The following AGBL4 variants were observed in gnomAD, a reference collection of about 807,000 sequenced individuals.
AGBL4 encodes the protein cytosolic carboxypeptidase 6.
In AGBL4, 58 loss-of-function variants were observed where a neutral mutation model predicts 66.4. The observed-to-expected ratio is 0.87, with a 90% CI of 0.71 to 1.09. AGBL4 has a LOEUF of 1.09. Ranked by LOEUF, AGBL4 falls within the 50% of genes least tolerant of loss-of-function variation. The probability of loss-of-function intolerance (pLI) is 0.00; values close to 1 mark genes in which losing one functional copy is unlikely to be tolerated. For missense variants in AGBL4, 579 were observed against 631.0 expected (o/e 0.92, Z 0.88); for synonymous variants, 234 against 222.9 (o/e 1.05, Z -0.44).
intron 6 of AGBL4, among the ~76,000 whole-genome samples, chr1:48,846,397 G>GAAAGAA (rs1387037101): frequency 6.6e-6 from 1 of 150,566 alleles, no homozygotes; most frequent in Admixed American, 6.7e-5. Context: ...AAGAAAGAAA[G>GAAAGAA]AAAGAAAGAA....
chr1:49,058,271 T>C (rs1405341778), intron 4 of AGBL4, among the ~76,000 whole-genome samples: 1 of 152,144 alleles, frequency 6.6e-6, no homozygotes, highest in African/African-American at 2.4e-5. Context: ...AATCGCCACA[T>C]GTCATGGGAG....
At chr1:49,709,826 A>C (rs1558182326) in intron 2 of AGBL4, among the ~76,000 whole-genome samples, 2 of 152,346 alleles carry the variant, frequency 1.3e-5, no homozygotes, top group South Asian at 4.1e-4. Context: ...TATGCAGCAA[A>C]CAAACATATG....
At chr1:48,604,917 T>C (rs564646697) in intron 9 of AGBL4, among the ~76,000 whole-genome samples, 34 of 152,384 alleles carry the variant, frequency 2.2e-4, no homozygotes, top group Admixed American at 2.0e-3. Context: ...CATCCATATC[T>C]ACATAAAAAC....
At chr1:49,802,432 G>T (rs1311218627) in intron 2 of AGBL4, among the ~76,000 whole-genome samples, 1 of 152,118 alleles carries the variant, frequency 6.6e-6, no homozygotes, top group Non-Finnish European at 1.5e-5. Flanking sequence ...ACCAGCTTTT[G>T]CTGCAACTGT....
chr1:49,845,839 A>C, intron 2 of AGBL4: 1 of 1,484,280 alleles, frequency 6.7e-7, no homozygotes, highest in Non-Finnish European at 9.4e-7. Flanking sequence ...GTTCGACTGC[A>C]GTCAGTGTGG....
chr1:48,565,715 T>C (rs1644466100), intron 11 of AGBL4, among the ~76,000 whole-genome samples: 1 of 152,202 alleles, frequency 6.6e-6, no homozygotes, highest in South Asian at 2.1e-4. Flanking sequence ...AAAGTTATTT[T>C]ACTCTCTGGA....
chr1:48,594,640 A>C (rs1163419369), intron 9 of AGBL4, among the ~76,000 whole-genome samples: 1 of 151,794 alleles, frequency 6.6e-6, no homozygotes, highest in African/African-American at 2.4e-5. Context: ...TGTTGCTTCC[A>C]TTTTATTATT....
rs1279282057 is a variant in AGBL4 at position 49,219,216 on chromosome 1, A to G, written c.377+26554T>C. On this transcript the variant is annotated intron_variant, in intron 4 of 13. Transcript: ENST00000371839. The stretch of plus-strand genomic sequence containing the variant: ...ATTGTCACCCATCATGGGACAACAC[A>G]TTCTTCTTTAAATATGTCAGTTTAC... 2.0e-5 allele frequency among the ~76,000 whole-genome samples: 3 copies of G among 152,264 alleles called. No homozygotes were observed. The East Asian group carries it at 5.8e-4, about 29-fold the overall frequency.
intron 3 of AGBL4, among the ~76,000 whole-genome samples, chr1:49,621,151 T>G (rs1645353019): frequency 6.6e-6 from 1 of 152,186 alleles, no homozygotes; most frequent in South Asian, 2.1e-4. Flanking sequence ...CTTTGTGCCG[T>G]AAAGAAATAG....
intron 7 of AGBL4, among the ~76,000 whole-genome samples, chr1:48,653,925 C>T (rs1645978108): frequency 2.0e-5 from 3 of 152,208 alleles, no homozygotes; most frequent in Non-Finnish European, 2.9e-5. Flanking sequence ...CTGATAGGCA[C>T]ACCAAGAAGC....
intron 5 of AGBL4, among the ~76,000 whole-genome samples, chr1:48,949,265 T>C (rs529171811): frequency 6.6e-6 from 1 of 152,274 alleles, no homozygotes; most frequent in South Asian, 2.1e-4. Context: ...TGGGCACAAT[T>C]CTGACTCCTG....
Position 49,623,122 on chromosome 1 carries a change from C to G in AGBL4, c.282+74191G>C, listed in dbSNP as rs79971696. On this transcript the variant is annotated intron_variant, in intron 3 of 13. Transcript: ENST00000371839. ...CCATACAGGGAAAGAGAAATAGATG[C>G]AACATATACTTGTCAGCTCTTCCTT... Among the ~76,000 whole-genome samples the G allele has an allele frequency of 4.6e-5, 7 of 152,224 alleles. 1 individual carries two copies. The East Asian group carries it at 1.4e-3, about 29-fold the overall frequency.
At chr1:49,878,033 C>A (rs1362037115) in intron 1 of AGBL4, among the ~76,000 whole-genome samples, 8 of 151,606 alleles carry the variant, frequency 5.3e-5, no homozygotes, top group South Asian at 4.2e-4. Context: ...TATTGTGTCT[C>A]TTTGATTCTT....
chr1:48,902,554 AG>A (rs1652189663), intron 5 of AGBL4, among the ~76,000 whole-genome samples: 1 of 152,168 alleles, frequency 6.6e-6, no homozygotes, highest in Non-Finnish European at 1.5e-5. Flanking sequence ...TGAGGGCTAA[AG>A]GATGAAATCT....
intron 2 of AGBL4, among the ~76,000 whole-genome samples, chr1:49,720,149 T>A (rs1485753981): frequency 6.6e-6 from 1 of 152,066 alleles, no homozygotes; most frequent in Non-Finnish European, 1.5e-5. Context: ...AACAGCATTA[T>A]AGGTTGAGCA....
At chr1:48,851,921 C>A (rs7530252) in intron 6 of AGBL4, among the ~76,000 whole-genome samples, 125,862 of 148,000 alleles carry the variant, frequency 0.85, 54,773 homozygotes, top group Non-Finnish European at 0.96. Context: ...AAATAAAAAA[C>A]AAAAAAAGAG....
At chr1:48,525,749 C>T in the AGBL4 span, among the ~76,000 whole-genome samples, 6 of 152,122 alleles carry the variant, frequency 3.9e-5, no homozygotes, top group East Asian at 1.9e-4. Context: ...AGTTTCCTAA[C>T]GGCTACATCT....
At chr1:49,172,674 G>A (rs1299647325) in intron 4 of AGBL4, among the ~76,000 whole-genome samples, 1 of 151,912 alleles carries the variant, frequency 6.6e-6, no homozygotes, top group African/African-American at 2.4e-5. Flanking sequence ...TGAAGCACAG[G>A]GTACACAGAA....
At chr1:49,695,490 C>A (rs1646966566) in intron 3 of AGBL4, among the ~76,000 whole-genome samples, 1 of 152,050 alleles carries the variant, frequency 6.6e-6, no homozygotes, top group African/African-American at 2.4e-5. Context: ...CTTAGTGGAA[C>A]AAGTAGGACA....
Sources: gnomAD v4.1 joint callset for allele counts (sites outside exome capture counted in the v4.1 genomes callset) on GRCh38, gnomAD v4.1.1 for gene constraint, MANE v1.5 for transcripts, NCBI Gene and HGNC (gene_info 2026-07-23, HGNC 2026-07-21) for gene names.